The following ZBTB25 variants were observed in gnomAD, a reference collection of about 807,000 sequenced individuals.
ZBTB25 encodes the protein zinc finger and BTB domain containing 25.
ZBTB25 carries 20 observed loss-of-function variants against 34.2 expected under a neutral mutation model. The ratio of observed to expected loss-of-function variants is 0.58; its 90% confidence interval spans 0.41 to 0.85. ZBTB25 has a LOEUF of 0.85. Among genes scored for constraint, ZBTB25 ranks in the 40% least tolerant of loss-of-function variants. The pLI is 0.00. For synonymous variants in ZBTB25, 175 were observed against 186.4 expected (o/e 0.94, Z 0.50); for missense variants, 437 against 521.8 (o/e 0.84, Z 1.58).
intron 2 of ZBTB25, chr14:64,471,473 GAT>G (rs988644435): frequency 4.8e-5 from 8 of 166,996 alleles, no homozygotes; most frequent in South Asian, 2.1e-4. Flanking sequence ...TTTCAATCCA[GAT>G]ATACTTTACA....
intron 1 of ZBTB25, chr14:64,502,892 T>G (rs1235599767): frequency 9.1e-6 from 9 of 985,240 alleles, no homozygotes; most frequent in Non-Finnish European, 1.1e-5. Flanking sequence ...CAAAGTGTAC[T>G]TTACATACAT....
chr14:64,477,300 C>A (rs966375119), downstream of ZBTB25, among the ~76,000 whole-genome samples: 4 of 152,144 alleles, frequency 2.6e-5, no homozygotes, highest in African/African-American at 9.7e-5. Context: ...GTCTGCATGG[C>A]CATCATGGTG....
chr14:64,479,752 T>C lies in ZBTB25; in HGVS notation c.*7171A>G, dbSNP rs1437704164. ...CTGCCAGCTTTTGGACTGGAACTTATGCCATAAGCTCTCCTGGTTCTCAGG... is the reference window on the plus strand; with the variant it reads ...CTGCCAGCTTTTGGACTGGAACTTACGCCATAAGCTCTCCTGGTTCTCAGG... On this transcript the variant is annotated 3_prime_UTR_variant, in exon 3 of 3. Transcript: ENST00000608382. 1 of 152,288 alleles carries C rather than the reference T, an allele frequency of 6.6e-6. No individual in the cohort carries two copies. 9.4% of individuals were successfully genotyped at this position (152,288 alleles called of 1,614,324 possible). A position where few individuals can be genotyped will look rare whatever the true frequency, so the allele number is the denominator to read the frequency against.
In ZBTB25 at chr14:64,481,229, CAA is replaced by C. The variant is rs1286053522; in HGVS notation, c.*5692_*5693del. ...ACAGGCGTGAGCCACTGCCCCTGGCCAAAATTTTTGGCAGAGATGAGGTCTCA... is the reference window on the plus strand; with the variant it reads ...ACAGGCGTGAGCCACTGCCCCTGGCCAATTTTTGGCAGAGATGAGGTCTCA... On this transcript the variant is annotated 3_prime_UTR_variant, in exon 3 of 3. Coordinates refer to ENST00000608382, the MANE Select transcript of ZBTB25 (RefSeq NM_006977.5). 3 of 151,684 alleles carry C rather than the reference CAA, an allele frequency of 2.0e-5. No individual in the cohort carries two copies. Among genetic ancestry groups the C allele is most frequent in the African/African-American group, 7.3e-5 (3 of 41,232 alleles). 9.4% of individuals were successfully genotyped at this position (151,684 alleles called of 1,614,324 possible). A position where few individuals can be genotyped will look rare whatever the true frequency, so the allele number is the denominator to read the frequency against.
At chr14:64,471,139 T>C (rs1396114254) in intron 2 of ZBTB25, 1 of 166,062 alleles carries the variant, frequency 6.0e-6, no homozygotes, top group Non-Finnish European at 1.5e-5. Context: ...AACTTTTTCA[T>C]CACTATTTTC....
rs2079282659 is a variant in ZBTB25, at chr14:64,496,520, C to T, written c.-7-5980G>A. On this transcript the variant is annotated intron_variant, in intron 1 of 2. Coordinates refer to ENST00000608382, the MANE Select transcript of ZBTB25 (RefSeq NM_006977.5). ...AAAAAGTATTAGAGATTGTGAAGAG[C>T]TGTTGTTTATATAGGTTATATTTAT... Among the ~76,000 whole-genome samples the T allele has an allele frequency of 2.6e-5, 4 of 152,182 alleles. No homozygotes were observed. The South Asian group carries it at 6.2e-4, about 24-fold the overall frequency.
intron 2 of ZBTB25, chr14:64,467,823 G>A (rs912656608): frequency 4.0e-4 from 61 of 152,142 alleles, no homozygotes; most frequent in African/African-American, 1.3e-3. Context: ...TTTGGTTCTT[G>A]TTGTTTGCTT....
At chr14:64,497,355 T>C (rs2079313451) in intron 1 of ZBTB25, among the ~76,000 whole-genome samples, 1 of 152,216 alleles carries the variant, frequency 6.6e-6, no homozygotes, top group Non-Finnish European at 1.5e-5. Flanking sequence ...CCTTTGCTCA[T>C]CATTCTTTGA....
Position 64,487,310 on chromosome 14 carries a change from C to T in ZBTB25, c.921G>A (p.Gln307=). 6.2e-7 allele frequency: 1 copy of T among 1,614,040 alleles called. No individual in the cohort carries two copies. The highest frequency in any genetic ancestry group is 8.5e-7 in the Non-Finnish European group (1 of 1,180,036). ...TACCCCGGTTGGTGTGGTCTGGCTG[C>T]TGTTCATTCTCCTTAACAATGAAGG... ...LSSFIVKENE[Q]QPDHTNRGTT... The change falls in exon 3 of 3, where the codon CAG becomes CAA. Residue 307 remains glutamine, a synonymous_variant. Coordinates refer to ENST00000608382, the MANE Select transcript of ZBTB25 (RefSeq NM_006977.5).
intron 1 of ZBTB25, among the ~76,000 whole-genome samples, chr14:64,498,328 CAG>C (rs1192965052): frequency 2.0e-5 from 3 of 147,464 alleles, no homozygotes; most frequent in Non-Finnish European, 4.5e-5. Context: ...TTTTTTGAGA[CAG>C]AGTCTCGCTC....
upstream of ZBTB25, chr14:64,504,941 C>T (rs1004950676): frequency 5.1e-6 from 2 of 395,504 alleles, no homozygotes; most frequent in East Asian, 3.6e-5. Context: ...GTTCCTGTTG[C>T]GGCCGGTAAG....
downstream of ZBTB25, among the ~76,000 whole-genome samples, chr14:64,474,778 G>GAGAT (rs566525113): frequency 3.0e-4 from 45 of 152,260 alleles, no homozygotes; most frequent in Admixed American, 6.5e-4. Context: ...TTCATCTCTT[G>GAGAT]ATATACTCAT....
chr14:64,451,396 T>C (rs1195671978), intron 2 of ZBTB25, among the ~76,000 whole-genome samples: 1 of 152,208 alleles, frequency 6.6e-6, no homozygotes, highest in Non-Finnish European at 1.5e-5. Context: ...AACTTATTAC[T>C]CTTGAGTTTT....
upstream of ZBTB25, chr14:64,505,187 C>T (rs1566627963): frequency 6.1e-6 from 2 of 325,972 alleles, no homozygotes; most frequent in Non-Finnish European, 1.1e-5. Flanking sequence ...CCTACGGAGA[C>T]TAGTTCCCAA....
chr14:64,453,782 T>C (rs199858156), intron 2 of ZBTB25: 10 of 1,611,898 alleles, frequency 6.2e-6, no homozygotes, highest in Non-Finnish European at 7.6e-6. Context: ...ATCAGGATCA[T>C]TGCACAGAAG....
At chr14:64,504,462 G>A (rs779388260), upstream of ZBTB25, 73 of 154,770 alleles carry the variant, frequency 4.7e-4, no homozygotes, top group Middle Eastern at 3.3e-3. Context: ...GTGCAAACAG[G>A]AGGAGGAGGA....
Position 64,492,117 on chromosome 14 carries a change from CAAAAAAAAAAA to C in ZBTB25, c.-7-1588_-7-1578del, listed in dbSNP as rs58321068. On this transcript the variant is annotated intron_variant, in intron 1 of 2. Transcript: ENST00000608382. Reference sequence around the variant, plus strand: ...TGGGTGACAGAGCAAGACCCTATCTCAAAAAAAAAAAAAAAAAAAAAAGGCAGACTCTATTA... The same window carrying C: ...TGGGTGACAGAGCAAGACCCTATCTCAAAAAAAAAAAGGCAGACTCTATTA... 2.3e-4 allele frequency among the ~76,000 whole-genome samples: 17 copies of C among 74,038 alleles called. 1 individual carries two copies. Among genetic ancestry groups the C allele is most frequent in the South Asian group, 1.7e-3 (3 of 1,810 alleles). The allele number at this position is 74,038 out of a possible 152,430, so 48.6% of individuals were successfully genotyped here.
Position 64,490,513 on chromosome 14 carries a change from G to T in ZBTB25, c.21C>A (p.Ser7Arg), listed in dbSNP as rs772139422. 2 of 1,612,990 alleles carry T rather than the reference G, an allele frequency of 1.2e-6. No individual in the cohort carries two copies. The change falls in exon 2 of 3, where the codon AGC becomes AGA. Residue 7 changes from serine (S) to arginine (R), a missense_variant. By Grantham distance (110) the Ser-to-Arg change is moderately radical. Transcript: ENST00000608382. ...TGTTCAGCTGCTGGAGAAGAACAAG[G>T]CTATGGCTGGCAGTGTCCATTGTGG... MDTASH[S>R]LVLLQQLNMQ...
chr14:64,492,620 C>T (rs949697474), intron 1 of ZBTB25, among the ~76,000 whole-genome samples: 1 of 151,032 alleles, frequency 6.6e-6, no homozygotes, highest in Non-Finnish European at 1.5e-5. Flanking sequence ...AAAACAAAAC[C>T]AAACCCTCGG....
Sources: gnomAD v4.1 joint callset for allele counts (sites outside exome capture counted in the v4.1 genomes callset) on GRCh38, gnomAD v4.1.1 for gene constraint, MANE v1.5 for transcripts, NCBI Gene and HGNC (gene_info 2026-07-23, HGNC 2026-07-21) for gene names.